Variants in CDA observed in about 807,000 individuals in gnomAD.
CDA encodes the protein cytidine aminohydrolase.
CDA carries 7 observed loss-of-function variants against 15.0 expected under a neutral mutation model. That is an observed-to-expected ratio of 0.47 (90% confidence interval 0.26 to 0.87). The LOEUF is 0.87. Among genes scored for constraint, CDA ranks in the 40% least tolerant of loss-of-function variants. The pLI, the probability that CDA is intolerant of heterozygous loss-of-function variation, is 0.15. For missense variants in CDA, 159 were observed against 182.7 expected, an observed-to-expected ratio of 0.87 and a Z score of 0.75; for synonymous variants, 58 against 73.0, an observed-to-expected ratio of 0.79 and a Z score of 1.05.
At chr1:20,608,340 G>A (rs1006504766) in intron 2 of CDA, among the ~76,000 whole-genome samples, 5 of 133,822 alleles carry the variant, frequency 3.7e-5, no homozygotes, top group African/African-American at 1.3e-4. Context: ...CTTAAGAAAC[G>A]ATTTCTGTAA....
At chr1:20,607,900 G>A (rs187039236) in intron 2 of CDA, among the ~76,000 whole-genome samples, 78 of 152,274 alleles carry the variant, frequency 5.1e-4, no homozygotes, top group African/African-American at 1.8e-3. Flanking sequence ...GATGGAGACC[G>A]CACTCAGGAA....
intron 3 of CDA, among the ~76,000 whole-genome samples, chr1:20,616,608 C>G (rs1020624111): frequency 1.3e-5 from 2 of 152,146 alleles, no homozygotes; most frequent in African/African-American, 4.8e-5. Context: ...AAGGCCCCGA[C>G]GTGGTCCAAT....
At chr1:20,591,924 A>C (rs1312675322) in intron 1 of CDA, among the ~76,000 whole-genome samples, 2 of 151,470 alleles carry the variant, frequency 1.3e-5, no homozygotes, top group African/African-American at 4.9e-5. Context: ...GCTCACTGCA[A>C]TCTCCGACGC....
chr1:20,590,738 G>A (rs538099733), intron 1 of CDA, among the ~76,000 whole-genome samples: 65 of 152,322 alleles, frequency 4.3e-4, no homozygotes, highest in African/African-American at 1.4e-3. Flanking sequence ...GTGCTGTGAC[G>A]TAGCACCTGC....
chr1:20,590,202 A>G (rs987567803), intron 1 of CDA, among the ~76,000 whole-genome samples: 1 of 152,084 alleles, frequency 6.6e-6, no homozygotes, highest in Non-Finnish European at 1.5e-5. Context: ...ATTGAGTGCT[A>G]ACAGCCTGTG....
intron 1 of CDA, among the ~76,000 whole-genome samples, chr1:20,599,487 C>T (rs1487667018): frequency 6.6e-6 from 1 of 151,694 alleles, no homozygotes; most frequent in Admixed American, 6.6e-5. Context: ...CGTGGTGGCA[C>T]GCACCTGTAG....
Position 20,604,939 on chromosome 1 carries a change from G to C in CDA, c.166G>C (p.Glu56Gln). 1 of 1,611,842 alleles carries C rather than the reference G, an allele frequency of 6.2e-7. No individual in the cohort carries two copies. Among genetic ancestry groups the C allele is most frequent in the Non-Finnish European group, 8.5e-7 (1 of 1,178,560 alleles). The change falls in exon 2 of 4, where the codon GAA becomes CAA. Residue 56 changes from glutamate to glutamine, a missense_variant. Physicochemically the swap from Glu to Gln is conservative, Grantham distance 29. Transcript: ENST00000375071. ...TGCTCTCTTCTCAGGGTGCAACATA[G>C]AAAATGCCTGCTACCCGCTGGGCAT... ...EGRIFKGCNI[E>Q]NACYPLGICA...
At chr1:20,609,408 C>G (rs1002873688) in intron 2 of CDA, among the ~76,000 whole-genome samples, 3 of 152,168 alleles carry the variant, frequency 2.0e-5, no homozygotes, top group Admixed American at 6.5e-5. Context: ...ATGGCGCGAA[C>G]CTGGGAGGCA....
At chr1:20,618,146 T>C (rs2052834600) in intron 3 of CDA, among the ~76,000 whole-genome samples, 1 of 151,484 alleles carries the variant, frequency 6.6e-6, no homozygotes, top group African/African-American at 2.4e-5. Context: ...CGGGTGTTAG[T>C]TGTCATTTGT....
At chr1:20,607,578 A>G (rs1557549525) in intron 2 of CDA, among the ~76,000 whole-genome samples, 2 of 152,230 alleles carry the variant, frequency 1.3e-5, no homozygotes, top group South Asian at 2.1e-4. Context: ...GCCTTGCTCT[A>G]TTTAGAATTT....
chr1:20,618,390 C>A, intron 3 of CDA, 62 bp from the exon 4 acceptor site: 1 of 878,196 alleles, frequency 1.1e-6, no homozygotes, highest in East Asian at 2.6e-5. Context: ...GACTCAGACC[C>A]AGTCCGTCTC....
intron 2 of CDA, among the ~76,000 whole-genome samples, chr1:20,611,111 G>A (rs1365726031): frequency 6.6e-6 from 1 of 152,096 alleles, no homozygotes; most frequent in African/African-American, 2.4e-5. Context: ...GCGGTGGTGC[G>A]TGACTGCAGT....
intron 1 of CDA, among the ~76,000 whole-genome samples, chr1:20,601,852 G>A (rs1368567581): frequency 6.6e-6 from 1 of 152,044 alleles, no homozygotes; most frequent in Non-Finnish European, 1.5e-5. Flanking sequence ...GTGTAGGCTG[G>A]GCACCGTGGC....
chr1:20,603,100 A>T (rs1187242765), intron 1 of CDA, among the ~76,000 whole-genome samples: 1 of 152,172 alleles, frequency 6.6e-6, no homozygotes, highest in African/African-American at 2.4e-5. Context: ...ACAGACTAGG[A>T]GGAGTCACCA....
At chr1:20,617,538 G>T (rs2052825612) in intron 3 of CDA, among the ~76,000 whole-genome samples, 1 of 152,122 alleles carries the variant, frequency 6.6e-6, no homozygotes, top group Non-Finnish European at 1.5e-5. Context: ...CATGAGATCT[G>T]ATGGTTTTAT....
intron 1 of CDA, among the ~76,000 whole-genome samples, chr1:20,597,427 C>T (rs1239835973): frequency 6.6e-6 from 1 of 152,126 alleles, no homozygotes. Context: ...GGCGACAGAG[C>T]GAGACTCCGT....
At chr1:20,593,918 T>G (rs181768608) in intron 1 of CDA, among the ~76,000 whole-genome samples, 41 of 152,190 alleles carry the variant, frequency 2.7e-4, no homozygotes, top group African/African-American at 9.6e-4. Flanking sequence ...TGAGGCCAGG[T>G]GCAGAATAGG....
At position 20,618,577 on chromosome 1, in the gene CDA, G is replaced by A; in HGVS notation, c.*9G>A. On this transcript the variant is annotated 3_prime_UTR_variant, in exon 4 of 4. Transcript: ENST00000375071. ...TGCAGAAGACCCAGTGACAGCCAGA[G>A]AATGCCCACTGCCTGTAACAGCCAC... is the stretch of plus-strand genomic sequence containing the variant. 6.6e-7 allele frequency: 1 copy of A among 1,512,574 alleles called. No individual in the cohort carries two copies. Among genetic ancestry groups the A allele is most frequent in the Non-Finnish European group, 9.2e-7 (1 of 1,087,366 alleles). 93.7% of individuals were successfully genotyped at this position (1,512,574 alleles called of 1,614,324 possible).
At chr1:20,601,608 G>A (rs571460502) in intron 1 of CDA, among the ~76,000 whole-genome samples, 44 of 152,326 alleles carry the variant, frequency 2.9e-4, no homozygotes, top group South Asian at 1.0e-3. Context: ...ACCTGCAGCT[G>A]TGGCACCCAG....
Sources: gnomAD v4.1 joint callset for allele counts (sites outside exome capture counted in the v4.1 genomes callset) on GRCh38, gnomAD v4.1.1 for gene constraint, MANE v1.5 for transcripts, NCBI Gene and HGNC (gene_info 2026-07-23, HGNC 2026-07-21) for gene names.